Variants in IARS1 observed in about 807,000 individuals in gnomAD.
IARS1 encodes the protein isoleucine--tRNA ligase, cytoplasmic.
Under a neutral mutation model 168.2 loss-of-function variants are expected in IARS1, and 124 were observed. The observed-to-expected ratio is 0.74, with a 90% CI of 0.64 to 0.86. The LOEUF (loss-of-function observed/expected upper bound fraction) is 0.86, where lower values mean the gene tolerates loss of function less well. IARS1 is among the 40% of genes least tolerant of loss of function. The pLI, the probability that IARS1 is intolerant of heterozygous loss-of-function variation, is 0.00. For synonymous variants in IARS1, 532 were observed against 529.4 expected (o/e 1.00, Z -0.07); for missense variants, 1,452 against 1,515.8 (o/e 0.96, Z 0.70).
At chr9:92,254,777 G>C (rs764172186) in intron 20 of IARS1, among the ~76,000 whole-genome samples, 1 of 152,138 alleles carries the variant, frequency 6.6e-6, no homozygotes, top group Non-Finnish European at 1.5e-5. Context: ...CCACCACCCT[G>C]TGAGGCAGGT....
At chr9:92,278,012 C>A (rs1470053390) in intron 8 of IARS1, 89 bp from the exon 9 acceptor site, 1 of 1,303,732 alleles carries the variant, frequency 7.7e-7, no homozygotes, top group Non-Finnish European at 1.1e-6. Flanking sequence ...CTCTGGTTTA[C>A]TGGCTTCTTA....
chr9:92,273,451 T>C (rs1207093770), intron 10 of IARS1, among the ~76,000 whole-genome samples: 1 of 152,008 alleles, frequency 6.6e-6, no homozygotes, highest in Non-Finnish European at 1.5e-5. Flanking sequence ...TGCTTTTAAA[T>C]CCTCCAGCCA....
At position 92,265,052 on chromosome 9, in the gene IARS1, C is replaced by T. The variant is rs1389647803; in HGVS notation, c.1577G>A (p.Cys526Tyr). 1 of 1,614,038 alleles carries T rather than the reference C, an allele frequency of 6.2e-7. No homozygotes were observed. The highest frequency in any genetic ancestry group is 8.5e-7 in the Non-Finnish European group (1 of 1,180,018). ...SLHRISEVFD[C>Y]WFESGSMPYA... ...GGGCATGCTGCCACTCTCAAACCAA[C>T]AGTCAAACACTTCAGAGATGCGGTG... Residue 526 changes from cysteine to tyrosine, a missense_variant, in exon 16 of 34, where the codon TGT becomes TAT. Cys to Tyr is a radical substitution (Grantham distance 194, BLOSUM62 -2). Coordinates refer to ENST00000443024, the MANE Select transcript of IARS1 (RefSeq NM_002161.6).
In IARS1 at chr9:92,247,504, A is replaced by G. The variant is rs2230404; in HGVS notation, c.2664T>C (p.Tyr888=). The change falls in exon 26 of 34, where the codon TAT becomes TAC. Residue 888 remains tyrosine (Y), a synonymous_variant. Coordinates refer to ENST00000443024, the MANE Select transcript of IARS1 (RefSeq NM_002161.6). The part of the protein sequence containing the change: ...KVTLSTDKNK[Y]GIRLRAEPDH... ...CTGGTTCTGCCCTTAGCCGAATGCC[A>G]TACTTGTTTTTATCTGTAGACAGTG... 9.8e-3 allele frequency: 15,758 copies of G among 1,614,098 alleles called. 1,347 individuals carry two copies. In the African/African-American group the frequency reaches 0.19, roughly 19 times the overall value.
In IARS1 at chr9:92,268,278, T is replaced by C. The variant is rs772347826; in HGVS notation, c.1327A>G (p.Lys443Glu). The C allele has an allele frequency of 1.9e-6, 3 of 1,611,142 alleles. No homozygotes were observed. In the African/African-American group the frequency reaches 4.0e-5, roughly 22 times the overall value. ...CYWVPELVRE[K>E]RFGNWLKDAR... is the part of the protein sequence containing the mutation. Reference sequence around the variant, plus strand: ...TCTTTCAGCCAATTTCCAAATCGTTTTTCTCGTACCAACTCTGGGACCCTG... The same window carrying C: ...TCTTTCAGCCAATTTCCAAATCGTTCTTCTCGTACCAACTCTGGGACCCTG... The change falls in exon 14 of 34, where the codon AAA becomes GAA. Residue 443 changes from lysine (K) to glutamate (E), a missense_variant. Transcript: ENST00000443024.
intron 9 of IARS1, among the ~76,000 whole-genome samples, chr9:92,276,561 C>T (rs1833805096): frequency 6.6e-6 from 1 of 152,116 alleles, no homozygotes; most frequent in Non-Finnish European, 1.5e-5. Context: ...ACTCAAGAGG[C>T]ACAAAAGTGA....
Position 92,268,250 on chromosome 9 carries a change from G to C in IARS1, c.1355C>G (p.Ala452Gly), listed in dbSNP as rs1832559785. 6.2e-7 allele frequency: 1 copy of C among 1,611,888 alleles called. No homozygotes were observed. Among genetic ancestry groups the C allele is most frequent in the Non-Finnish European group, 8.5e-7 (1 of 1,179,362 alleles). The change falls in exon 14 of 34, where the codon GCA becomes GGA. Residue 452 changes from alanine (A) to glycine (G), a missense_variant. By Grantham distance (60) the Ala-to-Gly change is moderately conservative. Transcript: ENST00000443024. ...EKRFGNWLKD[A>G]RDWTISRNRY... Reference sequence around the variant, plus strand: ...GTTTCTGGAAATTGTCCAGTCACGTGCATCTTTCAGCCAATTTCCAAATCG... The same window carrying C: ...GTTTCTGGAAATTGTCCAGTCACGTCCATCTTTCAGCCAATTTCCAAATCG...
intron 25 of IARS1, among the ~76,000 whole-genome samples, chr9:92,248,226 T>C (rs1357432101): frequency 1.3e-5 from 2 of 152,186 alleles, no homozygotes; most frequent in Admixed American, 6.5e-5. Context: ...GCTTCAGTCA[T>C]GCTACTGAGG....
intron 26 of IARS1, among the ~76,000 whole-genome samples, chr9:92,246,617 G>A (rs1829239371): frequency 6.6e-6 from 1 of 152,148 alleles, no homozygotes; most frequent in Non-Finnish European, 1.5e-5. Flanking sequence ...CAAGCACCAT[G>A]AAAGTAAGGA....
chr9:92,282,860 A>ATATTTTT (rs1230782830), intron 6 of IARS1, among the ~76,000 whole-genome samples: 1 of 132,854 alleles, frequency 7.5e-6, no homozygotes, highest in African/African-American at 2.9e-5. Context: ...ATATATATAT[A>ATATTTTT]TTTTTTTTTT....
chr9:92,275,416 A>G (rs1833645019), intron 9 of IARS1, among the ~76,000 whole-genome samples: 1 of 152,206 alleles, frequency 6.6e-6, no homozygotes, highest in Non-Finnish European at 1.5e-5. Flanking sequence ...GTTATTTTCA[A>G]TTACATCACA....
chr9:92,270,026 T>C (rs1222022055), intron 12 of IARS1, 43 bp from the exon 13 acceptor site: 1 of 1,220,480 alleles, frequency 8.2e-7, no homozygotes, highest in East Asian at 2.3e-5. Context: ...AGGCTGAGAC[T>C]AGTAGGCACT....
At chr9:92,282,666 A>T (rs1241792698) in intron 6 of IARS1, among the ~76,000 whole-genome samples, 3 of 151,954 alleles carry the variant, frequency 2.0e-5, no homozygotes, top group African/African-American at 7.3e-5. Context: ...GCTGCTCAGG[A>T]GGGTGAGGCT....
Position 92,269,888 on chromosome 9 carries a change from T to C in IARS1, c.1301A>G (p.Tyr434Cys), listed in dbSNP as rs552442105. Residue 434 changes from tyrosine to cysteine, a missense_variant, in exon 13 of 34, where the codon TAC becomes TGC. Physicochemically the swap from Tyr to Cys is radical, Grantham distance 194. Coordinates refer to ENST00000443024, the MANE Select transcript of IARS1 (RefSeq NM_002161.6). ...AGAAACACATCTTACTGCTCACCAG[T>C]AGCACAGGTCATTGTTCCTTAGGAG... ...DQLLRNNDLC[Y>C]WVPELVREKR... is the part of the protein sequence containing the mutation. 32 of 1,607,080 alleles carry C rather than the reference T, an allele frequency of 2.0e-5. No individual in the cohort carries two copies. Among genetic ancestry groups the C allele is most frequent in the Admixed American group, 3.3e-5 (2 of 60,006 alleles).
Position 92,226,951 on chromosome 9 carries a change from G to A in IARS1, c.3409+2050C>T, listed in dbSNP as rs1434378914. On this transcript the variant is annotated intron_variant, in intron 31 of 33. Transcript: ENST00000443024. ...GGTTTTCCTAGGCAGAGGACCCTGC[G>A]GCCTTCCGCAGTGTTTGTGTCCCTG... 1.9e-4 allele frequency among the ~76,000 whole-genome samples: 26 copies of A among 136,456 alleles called. 1 individual carries two copies. Among genetic ancestry groups the A allele is most frequent in the Admixed American group, 1.8e-3 (24 of 13,298 alleles). 89.5% of individuals were successfully genotyped at this position (136,456 alleles called of 152,430 possible).
In IARS1 at chr9:92,241,866, T is replaced by C. The variant is rs564087341; in HGVS notation, c.3177+288A>G. On this transcript the variant is annotated intron_variant, in intron 29 of 33. Coordinates refer to ENST00000443024, the MANE Select transcript of IARS1 (RefSeq NM_002161.6). Reference sequence around the variant, plus strand: ...AATTACCAGAATCCACACACTGCCTTTTCTAGTTTTAGAAAAAACAGGCCA... The same window carrying C: ...AATTACCAGAATCCACACACTGCCTCTTCTAGTTTTAGAAAAAACAGGCCA... Among the ~76,000 whole-genome samples the C allele has an allele frequency of 1.8e-4, 27 of 152,310 alleles. No homozygotes were observed. The South Asian group carries it at 4.8e-3, about 27-fold the overall frequency.
Position 92,250,813 on chromosome 9 carries a change from T to C in IARS1, c.2329A>G (p.Thr777Ala). Residue 777 changes from threonine to alanine, a missense_variant, in exon 23 of 34, where the codon ACT (threonine) becomes GCT (alanine). Thr to Ala is a moderately conservative substitution (Grantham distance 58). Coordinates refer to ENST00000443024, the MANE Select transcript of IARS1 (RefSeq NM_002161.6). ...TTTAGATTCTGGTACATCAATTCAGTGAGAAAAGGTGTGTAGGGAGCCTGT... is the reference window on the plus strand; with the variant it reads ...TTTAGATTCTGGTACATCAATTCAGCGAGAAAAGGTGTGTAGGGAGCCTGT... ...RLMAPYTPFL[T>A]ELMYQNLKVL... 1 of 1,610,648 alleles carries C rather than the reference T, an allele frequency of 6.2e-7. No individual in the cohort carries two copies. Among genetic ancestry groups the C allele is most frequent in the Non-Finnish European group, 8.5e-7 (1 of 1,178,332 alleles).
chr9:92,253,591 G>C (rs1830311168), intron 20 of IARS1, 138 bp from the exon 21 acceptor site: 6 of 636,948 alleles, frequency 9.4e-6, no homozygotes, highest in Non-Finnish European at 1.4e-5. Flanking sequence ...GAACCAAAAT[G>C]AATCAATCAC....
chr9:92,235,706 T>C (rs1186773802), intron 30 of IARS1, among the ~76,000 whole-genome samples: 1 of 151,920 alleles, frequency 6.6e-6, no homozygotes, highest in Non-Finnish European at 1.5e-5. Flanking sequence ...TTTGTATTTT[T>C]AGTAGAGACA....
Sources: gnomAD v4.1 joint callset for allele counts (sites outside exome capture counted in the v4.1 genomes callset) on GRCh38, gnomAD v4.1.1 for gene constraint, MANE v1.5 for transcripts, NCBI Gene and HGNC (gene_info 2026-07-23, HGNC 2026-07-21) for gene names.